The following NHEJ1 variants were observed in gnomAD, a reference collection of about 807,000 sequenced individuals.
The protein encoded by NHEJ1 is non-homologous end joining factor 1.
A neutral mutation model predicts 39.4 loss-of-function variants in NHEJ1; 22 were observed. The observed-to-expected ratio is 0.56, with a 90% CI of 0.40 to 0.80. The LOEUF (loss-of-function observed/expected upper bound fraction) is 0.80. Ranked by LOEUF, NHEJ1 falls within the 30% of genes least tolerant of loss-of-function variation. NHEJ1 has a pLI of 0.00. For synonymous variants in NHEJ1, 154 were observed against 135.6 expected (o/e 1.14, Z -0.94); for missense variants, 329 against 357.1 (o/e 0.92, Z 0.63).
chr2:219,099,741 C>A (rs187074467), intron 5 of NHEJ1, among the ~76,000 whole-genome samples: 1 of 151,812 alleles, frequency 6.6e-6, no homozygotes, highest in East Asian at 1.9e-4. Context: ...TGTGAGAGTG[C>A]GGCAGAAAAG....
intron 5 of NHEJ1, among the ~76,000 whole-genome samples, chr2:219,093,291 T>C (rs1379837919): frequency 6.6e-6 from 1 of 152,044 alleles, no homozygotes; most frequent in Non-Finnish European, 1.5e-5. Flanking sequence ...AGTGAACTCG[T>C]AGGAGCCAGA....
intron 3 of NHEJ1, among the ~76,000 whole-genome samples, chr2:219,150,658 A>G (rs1949786356): frequency 6.6e-6 from 1 of 152,062 alleles, no homozygotes; most frequent in African/African-American, 2.4e-5. Context: ...CATCTCTACT[A>G]AAAATACAAA....
At chr2:219,140,349 AAT>A (rs1949678815) in intron 5 of NHEJ1, among the ~76,000 whole-genome samples, 1 of 152,254 alleles carries the variant, frequency 6.6e-6, no homozygotes. Flanking sequence ...TGAGCAGAAG[AAT>A]ATCACGATGT....
intron 5 of NHEJ1, among the ~76,000 whole-genome samples, chr2:219,143,082 GA>G (rs1203077949): frequency 4.6e-5 from 7 of 152,142 alleles, no homozygotes; most frequent in African/African-American, 1.4e-4. Context: ...ATCCCAATGA[GA>G]ATTTTAAAAA....
At chr2:219,102,921 C>T (rs1382157010) in intron 5 of NHEJ1, among the ~76,000 whole-genome samples, 3 of 137,856 alleles carry the variant, frequency 2.2e-5, no homozygotes, top group Non-Finnish European at 4.6e-5. Flanking sequence ...AGGAGAATGG[C>T]GTGAACCCGG....
At chr2:219,100,000 C>G (rs1028722308) in intron 5 of NHEJ1, among the ~76,000 whole-genome samples, 1 of 151,974 alleles carries the variant, frequency 6.6e-6, no homozygotes, top group Non-Finnish European at 1.5e-5. Context: ...GGGAGGTCCA[C>G]TGAGGGGAGG....
At chr2:219,138,077 A>G (rs1278189668) in intron 5 of NHEJ1, among the ~76,000 whole-genome samples, 3 of 152,136 alleles carry the variant, frequency 2.0e-5, no homozygotes, top group Non-Finnish European at 1.5e-5. Context: ...GCCCACATGG[A>G]CACTAAAAAA....
chr2:219,135,296 C>T (rs1949616559), intron 5 of NHEJ1, among the ~76,000 whole-genome samples: 1 of 152,004 alleles, frequency 6.6e-6, no homozygotes, highest in South Asian at 2.1e-4. Flanking sequence ...CCCAAAAGGG[C>T]TAGGTATTTG....
In NHEJ1 at chr2:219,089,509, C is replaced by T. The variant is rs981375089; in HGVS notation, c.589-11303G>A. On this transcript the variant is annotated intron_variant, in intron 5 of 7. Transcript: ENST00000356853. ...CGAAAGACCACATACTGTATGATTC[C>T]GTTTGTATGAAATATGCTGAATAGG... Among the ~76,000 whole-genome samples the T allele has an allele frequency of 8.5e-5, 13 of 152,252 alleles. 1 individual carries two copies. The South Asian group carries it at 1.2e-3, about 15-fold the overall frequency.
At chr2:219,097,204 T>A (rs1395190659) in intron 5 of NHEJ1, among the ~76,000 whole-genome samples, 1 of 152,226 alleles carries the variant, frequency 6.6e-6, no homozygotes. Flanking sequence ...TTTCAACTTA[T>A]GATATTTTAA....
At chr2:219,101,174 G>A (rs527566524) in intron 5 of NHEJ1, among the ~76,000 whole-genome samples, 31 of 152,230 alleles carry the variant, frequency 2.0e-4, no homozygotes, top group African/African-American at 7.2e-4. Context: ...GAGTGCAGTG[G>A]TACCATCTTG....
intron 5 of NHEJ1, among the ~76,000 whole-genome samples, chr2:219,093,193 G>A (rs563718820): frequency 6.6e-6 from 1 of 152,254 alleles, no homozygotes; most frequent in South Asian, 2.1e-4. Flanking sequence ...AGGTACCACT[G>A]TCGAATACCT....
chr2:219,119,149 C>A (rs11685811), intron 5 of NHEJ1, among the ~76,000 whole-genome samples: 2 of 152,118 alleles, frequency 1.3e-5, no homozygotes, highest in African/African-American at 2.4e-5. Context: ...CTCCCAGTCT[C>A]CCGGAGAAAT....
chr2:219,079,818 G>C (rs952853644), intron 5 of NHEJ1, among the ~76,000 whole-genome samples: 3 of 152,158 alleles, frequency 2.0e-5, no homozygotes, highest in Non-Finnish European at 4.4e-5. Context: ...CTGATGGTGG[G>C]GAGGCAAACA....
chr2:219,153,633 A>C (rs1024020437), intron 3 of NHEJ1, among the ~76,000 whole-genome samples: 3 of 142,142 alleles, frequency 2.1e-5, no homozygotes, highest in African/African-American at 7.6e-5. Flanking sequence ...TGAGCTGAGG[A>C]ATTCAAGACC....
rs1411890005 is a variant in NHEJ1 at position 219,111,035 on chromosome 2, C to T, written c.589-32829G>A. Among the ~76,000 whole-genome samples the T allele has an allele frequency of 1.3e-5, 2 of 152,156 alleles. No individual in the cohort carries two copies. The highest frequency in any genetic ancestry group is 2.9e-5 in the Non-Finnish European group (2 of 68,030). ...CTTAGTTTTAAAGTATTTCTCTTTA[C>T]TGAAACAGCTCAAAGTTCCTTTAAA... On this transcript the variant is annotated intron_variant, in intron 5 of 7. Transcript: ENST00000356853. This position sits in a 1 kb window ranked among gnomAD's most constrained non-coding sequence, Gnocchi z 4.1.
intron 5 of NHEJ1, among the ~76,000 whole-genome samples, chr2:219,105,654 A>T (rs1949306721): frequency 6.6e-6 from 1 of 152,166 alleles, no homozygotes; most frequent in East Asian, 1.9e-4. Context: ...AATTCTGTTC[A>T]TTCTGTCTAA....
intron 5 of NHEJ1, among the ~76,000 whole-genome samples, chr2:219,125,906 A>G (rs1949510324): frequency 6.6e-6 from 1 of 152,242 alleles, no homozygotes; most frequent in Non-Finnish European, 1.5e-5. Flanking sequence ...AGTGCCAGCA[A>G]GTATCCCCCC....
At chr2:219,099,739 T>C (rs181667743) in intron 5 of NHEJ1, among the ~76,000 whole-genome samples, 3 of 149,674 alleles carry the variant, frequency 2.0e-5, no homozygotes, top group Non-Finnish European at 1.5e-5. Flanking sequence ...CGTGTGAGAG[T>C]GCGGCAGAAA....
Sources: allele counts gnomAD v4.1 joint callset (sites outside exome capture counted in the v4.1 genomes callset), GRCh38; gene constraint gnomAD v4.1.1; non-coding constraint Gnocchi (gnomAD v3.1); transcripts MANE v1.5; gene names NCBI Gene and HGNC (gene_info 2026-07-23, HGNC 2026-07-21).